The following KCNK5 variants were observed in gnomAD, a reference collection of about 807,000 sequenced individuals.
KCNK5 encodes potassium channel subfamily K member 5.
A neutral mutation model predicts 32.9 loss-of-function variants in KCNK5; 18 were observed. The observed-to-expected ratio is 0.55, with a 90% CI of 0.38 to 0.81. The LOEUF (loss-of-function observed/expected upper bound fraction) is 0.81. Ranked by LOEUF, KCNK5 falls within the 30% of genes least tolerant of loss-of-function variation. The pLI, the probability that KCNK5 is intolerant of heterozygous loss-of-function variation, is 0.00. For synonymous variants in KCNK5, 276 were observed against 275.3 expected (o/e 1.00, Z -0.03); for missense variants, 507 against 651.0 (o/e 0.78, Z 2.41).
At position 39,194,115 on chromosome 6, in the gene KCNK5, G is replaced by A. The variant is rs1770986658; in HGVS notation, c.634+54C>T. On this transcript the variant is annotated intron_variant, in intron 4 of 4. Coordinates refer to ENST00000359534, the MANE Select transcript of KCNK5 (RefSeq NM_003740.4). This position sits in a 1 kb window ranked among gnomAD's most constrained non-coding sequence, Gnocchi z 4.7. ...AGGGCACCCCCAACATAGGTCTGTT[G>A]CACTGAAACCAAAGAAGCAGAAAAA... 1 of 1,598,554 alleles carries A rather than the reference G, an allele frequency of 6.3e-7. No homozygotes were observed.
Position 39,191,421 on chromosome 6 carries a change from C to A in KCNK5, c.969G>T (p.Pro323=). The part of the protein sequence containing the change: ...MKTSGGGETG[P]GPGLGPQGGG... Reference sequence around the variant, plus strand: ...CGCCTTGAGGCCCCAGCCCTGGGCCCGGGCCCGTCTCCCCACCCCCGCTTG... The same window carrying A: ...CGCCTTGAGGCCCCAGCCCTGGGCCAGGGCCCGTCTCCCCACCCCCGCTTG... Residue 323 remains proline (P), a synonymous_variant, in exon 5 of 5, where the codon CCG becomes CCT. Transcript: ENST00000359534. This position sits in a 1 kb window ranked among gnomAD's most constrained non-coding sequence, Gnocchi z 5.8. The A allele has an allele frequency of 6.2e-7, 1 of 1,613,230 alleles. No individual in the cohort carries two copies. The highest frequency in any genetic ancestry group is 8.5e-7 in the Non-Finnish European group (1 of 1,179,974).
intron 1 of KCNK5, among the ~76,000 whole-genome samples, chr6:39,228,539 G>A (rs1771712874): frequency 6.6e-6 from 1 of 152,192 alleles, no homozygotes; most frequent in African/African-American, 2.4e-5. Context: ...ACGAGGGGAT[G>A]GCACCAGGCT....
At chr6:39,216,715 C>T (rs796190242) in intron 1 of KCNK5, among the ~76,000 whole-genome samples, 10 of 152,148 alleles carry the variant, frequency 6.6e-5, no homozygotes, top group Admixed American at 2.6e-4. Flanking sequence ...ATGTAGGCCA[C>T]GGCAGCTCCC....
chr6:39,211,941 AC>A (rs1483245646), intron 1 of KCNK5, among the ~76,000 whole-genome samples: 2 of 151,848 alleles, frequency 1.3e-5, no homozygotes, highest in Non-Finnish European at 2.9e-5. Context: ...TCCAGCCTGG[AC>A]AACAAGAGCA....
Position 39,191,692 on chromosome 6 carries a change from A to G in KCNK5, c.698T>C (p.Leu233Ser). The change falls in exon 5 of 5, where the codon TTG becomes TCG. Residue 233 changes from leucine to serine, a missense_variant. By Grantham distance (145) the Leu-to-Ser change is moderately radical. Transcript: ENST00000359534. The surrounding 1 kb of genome is among the most constrained non-coding windows in gnomAD (Gnocchi z 5.8). ...YRYFVELWIY[L>S]GLAWLSLFVN... ...AAAAAGGGACAGCCAGGCCAGCCCCAAGTAGATCCAGAGCTCCACGAAGTA... is the reference window on the plus strand; with the variant it reads ...AAAAAGGGACAGCCAGGCCAGCCCCGAGTAGATCCAGAGCTCCACGAAGTA... 6.2e-7 allele frequency: 1 copy of G among 1,613,980 alleles called. No homozygotes were observed. Among genetic ancestry groups the G allele is most frequent in the Non-Finnish European group, 8.5e-7 (1 of 1,180,008 alleles).
rs533764231 is a variant in KCNK5, at chr6:39,204,410, C to T, written c.187-8423G>A. On this transcript the variant is annotated intron_variant, in intron 1 of 4. Coordinates refer to ENST00000359534, the MANE Select transcript of KCNK5 (RefSeq NM_003740.4). ...GAGGTTGGACTATGACTACTGGAGT[C>T]CCCCTGCCTGGGCAGGTGATACCTC... is the stretch of plus-strand genomic sequence containing the variant. 7.9e-5 allele frequency among the ~76,000 whole-genome samples: 12 copies of T among 152,326 alleles called. No individual in the cohort carries two copies. In the South Asian group the frequency reaches 1.4e-3, roughly 18 times the overall value.
chr6:39,223,564 A>G (rs962656775), intron 1 of KCNK5, among the ~76,000 whole-genome samples: 1 of 152,204 alleles, frequency 6.6e-6, no homozygotes, highest in African/African-American at 2.4e-5. Flanking sequence ...GTACCACCCC[A>G]GTTCTGGCCA....
Position 39,226,422 on chromosome 6 carries a change from G to T in KCNK5, c.186+2504C>A, listed in dbSNP as rs114249134. 5.3e-3 allele frequency among the ~76,000 whole-genome samples: 805 copies of T among 152,296 alleles called. 2 individuals are homozygous for T. The highest frequency in any genetic ancestry group is 9.1e-3 in the Non-Finnish European group (616 of 68,016). On this transcript the variant is annotated intron_variant, in intron 1 of 4. Coordinates refer to ENST00000359534, the MANE Select transcript of KCNK5 (RefSeq NM_003740.4). ...TCGGGGGGTATTTCTAAAGAAAGTT[G>T]ACTTAACTCCCTTTCTCACACATTT...
chr6:39,195,720 G>A (rs189974663), intron 2 of KCNK5, among the ~76,000 whole-genome samples, 156 bp downstream of exon 2: 9 of 152,226 alleles, frequency 5.9e-5, no homozygotes, highest in African/African-American at 2.2e-4. Context: ...CAGCTACCAA[G>A]GACTTAACAA....
intron 1 of KCNK5, among the ~76,000 whole-genome samples, chr6:39,200,478 A>C (rs1342466147): frequency 6.6e-6 from 1 of 152,058 alleles, no homozygotes; most frequent in African/African-American, 2.4e-5. Flanking sequence ...TCCATTTTGC[A>C]ACTGAGGATT....
chr6:39,200,719 A>G (rs1217293842), intron 1 of KCNK5, among the ~76,000 whole-genome samples: 7 of 152,224 alleles, frequency 4.6e-5, no homozygotes, highest in African/African-American at 1.4e-4. Context: ...GGAAACAGCC[A>G]TGTGTGCCCT....
Position 39,194,780 on chromosome 6 carries a change from G to A in KCNK5, c.299-20C>T. 1 of 1,612,800 alleles carries A rather than the reference G, an allele frequency of 6.2e-7. No homozygotes were observed. Among genetic ancestry groups the A allele is most frequent in the Non-Finnish European group, 8.5e-7 (1 of 1,179,230 alleles). On this transcript the variant is annotated intron_variant, in intron 2 of 4. Coordinates refer to ENST00000359534, the MANE Select transcript of KCNK5 (RefSeq NM_003740.4). The surrounding 1 kb of genome is among the most constrained non-coding windows in gnomAD (Gnocchi z 4.7). ...CATATCCTGAGGAAGGAGAGAGTGA[G>A]GCCAAGAACAGGAGGGGTGGTCAAA...
intron 1 of KCNK5, among the ~76,000 whole-genome samples, chr6:39,227,034 CA>C (rs2113801304): frequency 6.6e-6 from 1 of 152,198 alleles, no homozygotes; most frequent in Non-Finnish European, 1.5e-5. Context: ...TTTGTTTGTT[CA>C]AATACCTTAA....
intron 1 of KCNK5, among the ~76,000 whole-genome samples, chr6:39,206,840 G>A (rs111893902): frequency 9.2e-5 from 14 of 151,984 alleles, no homozygotes; most frequent in African/African-American, 3.1e-4. Context: ...TTGGCGCGTC[G>A]ATTACAAAAA....
At chr6:39,209,783 C>A (rs1325060688) in intron 1 of KCNK5, among the ~76,000 whole-genome samples, 5 of 152,220 alleles carry the variant, frequency 3.3e-5, no homozygotes, top group Non-Finnish European at 7.3e-5. Context: ...AAGGCCTCAG[C>A]CTTCCTGGTG....
rs778656623 is a variant in KCNK5, at chr6:39,201,104, C to T, written c.187-5117G>A. Among the ~76,000 whole-genome samples, 23 of 152,336 alleles carry T rather than the reference C, an allele frequency of 1.5e-4. No homozygotes were observed. In the South Asian group the frequency reaches 2.7e-3, roughly 18 times the overall value. On this transcript the variant is annotated intron_variant, in intron 1 of 4. Transcript: ENST00000359534. ...GATCACAGGACTCTTTCTTGCTCTG[C>T]AGGATACAGCCTTAACAGTCTTCCT...
intron 1 of KCNK5, among the ~76,000 whole-genome samples, chr6:39,224,157 C>T (rs1439410965): frequency 2.7e-5 from 4 of 147,586 alleles, no homozygotes; most frequent in Non-Finnish European, 5.9e-5. Flanking sequence ...TAGGAAGGGA[C>T]CTCTTCAATT....
In KCNK5 at chr6:39,228,919, G is replaced by T; in HGVS notation, c.186+7C>A. 1 of 1,613,778 alleles carries T rather than the reference G, an allele frequency of 6.2e-7. No homozygotes were observed. Among genetic ancestry groups the T allele is most frequent in the Non-Finnish European group, 8.5e-7 (1 of 1,179,808 alleles). On this transcript the variant is annotated splice_region_variant and intron_variant, in intron 1 of 4. Transcript: ENST00000359534. ...AGATGTATATGGGGGTACAGGCGGC[G>T]ACTGACCTCTAGGATCTTGTCCAGG... is the stretch of plus-strand genomic sequence containing the variant.
intron 1 of KCNK5, among the ~76,000 whole-genome samples, chr6:39,211,379 C>A (rs991799743): frequency 6.6e-6 from 1 of 152,224 alleles, no homozygotes; most frequent in Non-Finnish European, 1.5e-5. Flanking sequence ...ACGGCTTGCA[C>A]AAACACATGC....
Sources: allele counts gnomAD v4.1 joint callset (sites outside exome capture counted in the v4.1 genomes callset), GRCh38; gene constraint gnomAD v4.1.1; non-coding constraint Gnocchi (gnomAD v3.1); transcripts MANE v1.5; gene names NCBI Gene and HGNC (gene_info 2026-07-23, HGNC 2026-07-21).